TIMD4: variants seen among roughly 807,000 people sequenced by gnomAD.
TIMD4 encodes T cell immunoglobulin and mucin domain containing 4.
A neutral mutation model predicts 41.2 loss-of-function variants in TIMD4; 31 were observed. The observed-to-expected ratio is 0.75, with a 90% CI of 0.57 to 1.01. TIMD4 has a LOEUF of 1.01. TIMD4 is among the 50% of genes least tolerant of loss of function. TIMD4 has a pLI of 0.00. For missense variants in TIMD4, 479 were observed against 472.5 expected (o/e 1.01, Z -0.13); for synonymous variants, 204 against 177.1 (o/e 1.15, Z -1.21).
chr5:156,944,476 C>T (rs919000577), intron 5 of TIMD4, among the ~76,000 whole-genome samples: 7 of 151,424 alleles, frequency 4.6e-5, no homozygotes, highest in Non-Finnish European at 7.4e-5. Context: ...CTAGCTCTCC[C>T]GCTGTTCAGC....
chr5:156,943,911 T>A (rs1759690421), intron 5 of TIMD4, among the ~76,000 whole-genome samples: 2 of 145,586 alleles, frequency 1.4e-5, no homozygotes, highest in African/African-American at 2.5e-5. Context: ...AAAAAAAAAA[T>A]TAGCCAGGTG....
At position 156,947,719 on chromosome 5, in the gene TIMD4, A is replaced by G. The variant is rs181095836; in HGVS notation, c.844+697T>C. Among the ~76,000 whole-genome samples, 806 of 152,368 alleles carry G rather than the reference A, an allele frequency of 5.3e-3. 2 individuals carry two copies. Among genetic ancestry groups the G allele is most frequent in the Non-Finnish European group, 8.5e-3 (577 of 68,040 alleles). On this transcript the variant is annotated intron_variant, in intron 5 of 8. Coordinates refer to ENST00000274532, the MANE Select transcript of TIMD4 (RefSeq NM_138379.3). ...ATAACATTGTCTAAAGACATGCACA[A>G]AACTGAACTATGTATTTCTATAGCT...
At chr5:156,944,841 G>T (rs567370378) in intron 5 of TIMD4, among the ~76,000 whole-genome samples, 1 of 152,136 alleles carries the variant, frequency 6.6e-6, no homozygotes, top group East Asian at 1.9e-4. Flanking sequence ...GAGCCACTGT[G>T]CCTGGCCAGC....
rs1016693670 is a variant in TIMD4 at position 156,948,358 on chromosome 5, A to AT, written c.844+57_844+58insA. 2.9e-6 allele frequency: 3 copies of AT among 1,046,664 alleles called. No homozygotes were observed. In the African/African-American group the frequency reaches 5.0e-5, roughly 18 times the overall value. 64.8% of individuals were successfully genotyped at this position (1,046,664 alleles called of 1,614,324 possible). On this transcript the variant is annotated intron_variant, in intron 5 of 8. Transcript: ENST00000274532. Reference sequence around the variant, plus strand: ...AAAAAAGCAAGATTCTGTCTAAAAAAAATAATAATAATAATTAATAAAGTA... The same window carrying AT: ...AAAAAAGCAAGATTCTGTCTAAAAAATAATAATAATAATAATTAATAAAGTA...
chr5:156,933,391 C>T (rs184326613), intron 5 of TIMD4, among the ~76,000 whole-genome samples: 2 of 152,134 alleles, frequency 1.3e-5, no homozygotes, highest in East Asian at 1.9e-4. Flanking sequence ...GCATTCTAGG[C>T]TGCAGTGAGC....
intron 6 of TIMD4, among the ~76,000 whole-genome samples, chr5:156,922,722 T>C (rs928166660): frequency 3.3e-5 from 5 of 152,204 alleles, no homozygotes; most frequent in Non-Finnish European, 7.3e-5. Context: ...CAGTATACTT[T>C]CCCAGAGGCT....
chr5:156,928,459 C>T (rs77612303), intron 5 of TIMD4, among the ~76,000 whole-genome samples: 5,475 of 151,844 alleles, frequency 0.036, 251 homozygotes, highest in African/African-American at 0.11. Flanking sequence ...TATCAGAAGC[C>T]GGGGCAAGGA....
intron 6 of TIMD4, chr5:156,924,106 C>A: frequency 8.0e-6 from 2 of 249,286 alleles, no homozygotes; most frequent in East Asian, 1.1e-4. Flanking sequence ...TGAAAGTCCC[C>A]ACTGCCAGTA....
In TIMD4 at chr5:156,919,527, C is replaced by T. The variant is rs1759197274; in HGVS notation, c.1067G>A (p.Gly356Glu). 2.5e-6 allele frequency: 4 copies of T among 1,613,796 alleles called. No homozygotes were observed. The highest frequency in any genetic ancestry group is 3.4e-6 in the Non-Finnish European group (4 of 1,179,880). The change falls in exon 9 of 9, where the codon GGA (glycine) becomes GAA (glutamate). Residue 356 changes from glycine to glutamate, a missense_variant. Coordinates refer to ENST00000274532, the MANE Select transcript of TIMD4 (RefSeq NM_138379.3). ...GTCATTGAGGACATTTTTACTATCT[C>T]CAATGTAGTCTAGCCTGTAAACAGA... is the stretch of plus-strand genomic sequence containing the variant. ...SQKHTRLDYIGDSKNVLNDVQ... is the reference protein window; with the variant it reads ...SQKHTRLDYIEDSKNVLNDVQ...
chr5:156,936,885 T>C (rs1014515039), intron 5 of TIMD4, among the ~76,000 whole-genome samples: 2 of 141,790 alleles, frequency 1.4e-5, no homozygotes, highest in East Asian at 4.1e-4. Flanking sequence ...TGAGCCGAGA[T>C]GGCGCCCTTG....
At chr5:156,927,216 A>G (rs925136414) in intron 5 of TIMD4, among the ~76,000 whole-genome samples, 14 of 152,380 alleles carry the variant, frequency 9.2e-5, no homozygotes, top group Admixed American at 8.5e-4. Context: ...CTTGTTCACT[A>G]CTGAGACTGT....
chr5:156,948,399 A>T lies in TIMD4; in HGVS notation c.844+17T>A. ...TAATAAAGTAAAATAAAATAAAAAA[A>T]ATCACAGCCCCCCTACCTCCAGGCT... On this transcript the variant is annotated intron_variant, in intron 5 of 8. Coordinates refer to ENST00000274532, the MANE Select transcript of TIMD4 (RefSeq NM_138379.3). The T allele has an allele frequency of 7.3e-7, 1 of 1,363,744 alleles. No individual in the cohort carries two copies. The highest frequency in any genetic ancestry group is 9.5e-7 in the Non-Finnish European group (1 of 1,053,392). 84.5% of individuals were successfully genotyped at this position (1,363,744 alleles called of 1,614,324 possible).
intron 5 of TIMD4, among the ~76,000 whole-genome samples, chr5:156,940,140 T>A (rs1441389035): frequency 1.3e-5 from 2 of 152,266 alleles, no homozygotes; most frequent in Non-Finnish European, 2.9e-5. Flanking sequence ...TATTTTTTGG[T>A]GGAGACGGGG....
In TIMD4 at chr5:156,951,798, C is replaced by A. The variant is rs377635883; in HGVS notation, c.401-8G>T. The A allele has an allele frequency of 6.3e-5, 101 of 1,613,428 alleles. No individual in the cohort carries two copies. In the African/African-American group the frequency reaches 1.3e-3, roughly 21 times the overall value. ...TGTGCGTGGTTGTTGAGGCTGTAAC[C>A]AACAACAGACATGTTTGGCACCAAG... is the stretch of plus-strand genomic sequence containing the variant. On this transcript the variant is annotated splice_region_variant and splice_polypyrimidine_tract_variant and intron_variant, in intron 2 of 8. Transcript: ENST00000274532.
chr5:156,960,397 T>G (rs973390601), intron 1 of TIMD4, among the ~76,000 whole-genome samples: 5 of 150,896 alleles, frequency 3.3e-5, no homozygotes, highest in African/African-American at 1.2e-4. Flanking sequence ...ATTGTTTTTT[T>G]CTTCCCCCTT....
chr5:156,953,559 G>A (rs1441031946), intron 2 of TIMD4, among the ~76,000 whole-genome samples: 1 of 147,176 alleles, frequency 6.8e-6, no homozygotes, highest in East Asian at 2.0e-4. Context: ...GGAGGCTGAG[G>A]CAGGAGAATC....
At chr5:156,931,920 C>T (rs1355080305) in intron 5 of TIMD4, among the ~76,000 whole-genome samples, 2 of 150,076 alleles carry the variant, frequency 1.3e-5, no homozygotes. Flanking sequence ...CTCCTATATC[C>T]TTTTTAACCT....
At chr5:156,948,718 G>A (rs1759792774) in intron 4 of TIMD4, among the ~76,000 whole-genome samples, 1 of 152,242 alleles carries the variant, frequency 6.6e-6, no homozygotes, top group Non-Finnish European at 1.5e-5. Context: ...CAGTTTACCA[G>A]TGAGGAAACT....
At chr5:156,952,939 A>G (rs562423133) in intron 2 of TIMD4, among the ~76,000 whole-genome samples, 56 of 152,336 alleles carry the variant, frequency 3.7e-4, no homozygotes, top group African/African-American at 1.2e-3. Flanking sequence ...GGTCTCTTTC[A>G]GACAGTAAAG....
Sources: allele counts gnomAD v4.1 joint callset (sites outside exome capture counted in the v4.1 genomes callset), GRCh38; gene constraint gnomAD v4.1.1; transcripts MANE v1.5; gene names NCBI Gene and HGNC (gene_info 2026-07-23, HGNC 2026-07-21).